Variants in CEP112 observed in about 807,000 individuals in gnomAD.
CEP112 encodes centrosomal protein of 112 kDa.
Under a neutral mutation model 153.0 loss-of-function variants are expected in CEP112, and 127 were observed. The observed-to-expected ratio is 0.83, with a 90% CI of 0.72 to 0.96. The LOEUF is 0.96. Ranked by LOEUF, CEP112 falls within the 40% of genes least tolerant of loss-of-function variation. The probability of loss-of-function intolerance (pLI) is 0.00; values close to 1 mark genes in which losing one functional copy is unlikely to be tolerated. For missense variants in CEP112, 1,089 were observed against 1,101.2 expected (o/e 0.99, Z 0.16); for synonymous variants, 358 against 374.4 (o/e 0.96, Z 0.51).
chr17:66,058,198 AC>A (rs1301038536), intron 11 of CEP112, among the ~76,000 whole-genome samples: 1 of 152,146 alleles, frequency 6.6e-6, no homozygotes, highest in Non-Finnish European at 1.5e-5. Context: ...AAAAAGACGT[AC>A]CCTTGTAAGT....
At chr17:65,852,393 C>G (rs1598780824) in intron 20 of CEP112, among the ~76,000 whole-genome samples, 1 of 39,946 alleles carries the variant, frequency 2.5e-5, no homozygotes, top group Non-Finnish European at 4.8e-5. Context: ...TTCCCTCCCT[C>G]CCTTCCCTCT....
At chr17:66,114,014 A>G (rs907875107) in intron 6 of CEP112, among the ~76,000 whole-genome samples, 5 of 152,224 alleles carry the variant, frequency 3.3e-5, no homozygotes, top group African/African-American at 9.6e-5. Flanking sequence ...TACTACCTCA[A>G]AAAAAGAATA....
At chr17:66,025,034 G>A (rs984691850) in intron 16 of CEP112, among the ~76,000 whole-genome samples, 2 of 152,058 alleles carry the variant, frequency 1.3e-5, no homozygotes, top group Non-Finnish European at 2.9e-5. Context: ...ACATATACTG[G>A]GGGAAGGACA....
At chr17:65,795,291 T>C (rs1261636798) in intron 21 of CEP112, among the ~76,000 whole-genome samples, 1 of 152,224 alleles carries the variant, frequency 6.6e-6, no homozygotes, top group Non-Finnish European at 1.5e-5. Flanking sequence ...AAGGGGTAGC[T>C]ACTATTTAAT....
intron 20 of CEP112, among the ~76,000 whole-genome samples, chr17:65,875,317 T>C (rs1346087859): frequency 6.6e-6 from 1 of 152,114 alleles, no homozygotes; most frequent in African/African-American, 2.4e-5. Flanking sequence ...CCACTGAATG[T>C]TTGTTTTAAT....
At chr17:65,869,924 T>C (rs1350999693) in intron 20 of CEP112, among the ~76,000 whole-genome samples, 2 of 151,604 alleles carry the variant, frequency 1.3e-5, no homozygotes, top group African/African-American at 2.4e-5. Context: ...GAACAATTAA[T>C]ACCCAGGTTT....
intron 10 of CEP112, among the ~76,000 whole-genome samples, chr17:66,065,072 C>A (rs1377848066): frequency 6.6e-6 from 1 of 152,158 alleles, no homozygotes; most frequent in Non-Finnish European, 1.5e-5. Flanking sequence ...ACCTTCCCTT[C>A]TCCTTTTCTC....
intron 6 of CEP112, among the ~76,000 whole-genome samples, chr17:66,101,235 A>C (rs2068557533): frequency 6.6e-6 from 1 of 152,150 alleles, no homozygotes; most frequent in Admixed American, 6.5e-5. Context: ...ACTGTAACAT[A>C]CATCATATAA....
intron 4 of CEP112, among the ~76,000 whole-genome samples, chr17:66,145,816 G>C (rs1252682582): frequency 1.3e-5 from 2 of 151,930 alleles, no homozygotes; most frequent in East Asian, 3.9e-4. Context: ...AATGAATCAG[G>C]CTGAGGAAGT....
intron 23 of CEP112, among the ~76,000 whole-genome samples, chr17:65,701,960 C>T (rs2048663342): frequency 1.4e-5 from 2 of 143,248 alleles, no homozygotes; most frequent in Admixed American, 7.2e-5. Context: ...ACTGCAACCT[C>T]TGCCTCCTGG....
intron 18 of CEP112, among the ~76,000 whole-genome samples, chr17:65,933,068 CATCAGACTCAAACAA>C (rs1370509784): frequency 6.6e-6 from 1 of 152,080 alleles, no homozygotes; most frequent in African/African-American, 2.4e-5. Context: ...AAAGCTTGAA[CATCAGACTCAAACAA>C]ATAGAAGAAA....
intron 18 of CEP112, among the ~76,000 whole-genome samples, chr17:65,936,232 A>C (rs950721034): frequency 2.0e-5 from 3 of 152,208 alleles, no homozygotes; most frequent in Non-Finnish European, 2.9e-5. Context: ...GACTAAGGAG[A>C]CTGAATCATT....
chr17:66,168,189 C>G (rs1197406033), intron 4 of CEP112, among the ~76,000 whole-genome samples: 3 of 152,054 alleles, frequency 2.0e-5, no homozygotes, highest in Non-Finnish European at 4.4e-5. Flanking sequence ...ACACTCCAAA[C>G]TAGTCCAAAT....
chr17:65,978,481 G>A (rs953769304), intron 17 of CEP112, among the ~76,000 whole-genome samples: 2 of 152,164 alleles, frequency 1.3e-5, no homozygotes, highest in Non-Finnish European at 1.5e-5. Context: ...TTGAACAATC[G>A]GTGAAATCTC....
chr17:66,026,254 C>T (rs12946576), intron 16 of CEP112, among the ~76,000 whole-genome samples: 62,552 of 151,904 alleles, frequency 0.41, 14,333 homozygotes, highest in East Asian at 0.87. Flanking sequence ...AAAAAAACTG[C>T]GCTTGTACCC....
chr17:65,819,303 C>A (rs1377460957), intron 21 of CEP112, among the ~76,000 whole-genome samples: 5 of 151,790 alleles, frequency 3.3e-5, no homozygotes, highest in African/African-American at 1.2e-4. Flanking sequence ...TTAAAAGCAA[C>A]CTTGAGCTTC....
At chr17:65,916,749 G>T (rs553573073) in intron 19 of CEP112, among the ~76,000 whole-genome samples, 31 of 151,370 alleles carry the variant, frequency 2.0e-4, no homozygotes, top group African/African-American at 6.6e-4. Context: ...GCCTCACTAC[G>T]TTGCCCAGGC....
chr17:65,799,976 T>A (rs1311070017), intron 21 of CEP112, among the ~76,000 whole-genome samples: 1 of 152,154 alleles, frequency 6.6e-6, no homozygotes, highest in Non-Finnish European at 1.5e-5. Flanking sequence ...TACAGGTGAG[T>A]CATACATAAT....
chr17:65,649,073 A>AACACACACACACAC lies in CEP112; in HGVS notation c.2698-8022_2698-8009dup, dbSNP rs71158400. On this transcript the variant is annotated intron_variant, in intron 24 of 26. Transcript: ENST00000535342. ...CTCAAAACAAACAAACAAACAAACA[A>AACACACACACACAC]ACACACACACACACACACACACACA... Among the ~76,000 whole-genome samples the AACACACACACACAC allele has an allele frequency of 2.2e-3, 314 of 139,872 alleles. 1 individual carries two copies. The highest frequency in any genetic ancestry group is 4.2e-3 in the Admixed American group (60 of 14,230). 91.8% of individuals were successfully genotyped at this position (139,872 alleles called of 152,430 possible).
Sources: gnomAD v4.1 joint callset for allele counts (sites outside exome capture counted in the v4.1 genomes callset) on GRCh38, gnomAD v4.1.1 for gene constraint, MANE v1.5 for transcripts, NCBI Gene and HGNC (gene_info 2026-07-23, HGNC 2026-07-21) for gene names.